PPIL2: variants seen among roughly 807,000 people sequenced by gnomAD.
PPIL2 encodes peptidylprolyl isomerase like 2, also known as RING-type E3 ubiquitin-protein ligase PPIL2.
A neutral mutation model predicts 75.2 loss-of-function variants in PPIL2; 50 were observed. The ratio of observed to expected loss-of-function variants is 0.66; its 90% CI spans 0.53 to 0.84. The LOEUF (loss-of-function observed/expected upper bound fraction) is 0.84. Among genes scored for constraint, PPIL2 ranks in the 40% least tolerant of loss-of-function variants. The probability of loss-of-function intolerance (pLI) is 0.00; values close to 1 mark genes in which losing one functional copy is unlikely to be tolerated. For synonymous variants in PPIL2, 245 were observed against 258.8 expected (o/e 0.95, Z 0.51); for missense variants, 590 against 685.0 (o/e 0.86, Z 1.55).
chr22:21,685,635 C>T (rs577079235), intron 10 of PPIL2: 1 of 451,408 alleles, frequency 2.2e-6, no homozygotes, highest in East Asian at 7.0e-5. Context: ...CTTTTGGAAA[C>T]AGGATCTTGC....
chr22:21,681,662 C>T (rs1669114), intron 7 of PPIL2, among the ~76,000 whole-genome samples: 38,800 of 152,180 alleles, frequency 0.25, 4,974 homozygotes, highest in Middle Eastern at 0.31. Context: ...GAGGTCCTTC[C>T]GCGTCTTCAG....
chr22:21,684,289 G>GAGACCATCC (rs576536643), intron 9 of PPIL2, among the ~76,000 whole-genome samples: 14 of 116,874 alleles, frequency 1.2e-4, no homozygotes, highest in South Asian at 3.0e-4. Flanking sequence ...TTACAAGATT[G>GAGACCATCC]TAACACAAAA....
chr22:21,672,435 TCTC>T (rs1368095498), intron 5 of PPIL2, 54 bp downstream of exon 5: 20 of 1,515,000 alleles, frequency 1.3e-5, no homozygotes, highest in African/African-American at 5.5e-5. Context: ...TCCTCTCACT[TCTC>T]CTTTTGTTCT....
At chr22:21,677,758 A>C (rs910835171) in intron 6 of PPIL2, among the ~76,000 whole-genome samples, 2 of 152,216 alleles carry the variant, frequency 1.3e-5, no homozygotes. Flanking sequence ...TGCAGAGAGC[A>C]CAACAGGCTG....
At chr22:21,688,036 CAG>C (rs1474144327) in intron 13 of PPIL2, 35 bp from the exon 14 acceptor site, 3 of 1,613,952 alleles carry the variant, frequency 1.9e-6, no homozygotes, top group African/African-American at 2.7e-5. Flanking sequence ...CCTCGGGTCT[CAG>C]AGTGTGACTT....
intron 5 of PPIL2, among the ~76,000 whole-genome samples, chr22:21,673,980 A>G (rs1354246050): frequency 6.6e-6 from 1 of 152,162 alleles, no homozygotes; most frequent in East Asian, 1.9e-4. Flanking sequence ...GAAGGAACGA[A>G]GGTGGTTAGA....
chr22:21,687,819 C>T (rs1601576569), intron 13 of PPIL2, 87 bp downstream of exon 13: 1 of 1,339,222 alleles, frequency 7.5e-7, no homozygotes, highest in East Asian at 2.3e-5. Context: ...ATCCCAGGGC[C>T]CTGGCCCATC....
intron 6 of PPIL2, among the ~76,000 whole-genome samples, chr22:21,676,544 A>T (rs1376131307): frequency 6.6e-6 from 1 of 151,402 alleles, no homozygotes; most frequent in Non-Finnish European, 1.5e-5. Flanking sequence ...GGTACTTGAG[A>T]TTAGGGAGTG....
chr22:21,685,645 C>G, intron 10 of PPIL2: 1 of 452,252 alleles, frequency 2.2e-6, no homozygotes, highest in Middle Eastern at 5.0e-4. Context: ...CAGGATCTTG[C>G]TATGTTGTCT....
Position 21,695,419 on chromosome 22 carries a change from T to C in PPIL2, c.1492T>C (p.Ser498Pro), listed in dbSNP as rs1242265854. 6.2e-7 allele frequency: 1 copy of C among 1,609,908 alleles called. No homozygotes were observed. The highest frequency in any genetic ancestry group is 8.5e-7 in the Non-Finnish European group (1 of 1,178,242). Residue 498 changes from serine (S) to proline (P), a missense_variant, in exon 20 of 20, where the codon TCA becomes CCA. Coordinates refer to ENST00000398831, the MANE Select transcript of PPIL2 (RefSeq NM_014337.4). Reference protein sequence around the residue: ...ATKRAAEEEPSTSATVPMSKK... With the variant: ...ATKRAAEEEPPTSATVPMSKK... ...GAAGCGAGCAGCAGAGGAAGAGCCC[T>C]CAACCAGTGCCACTGTCCCCATGTC... is the stretch of plus-strand genomic sequence containing the variant.
chr22:21,674,928 T>C, intron 5 of PPIL2, 136 bp from the exon 6 acceptor site: 1 of 759,778 alleles, frequency 1.3e-6, no homozygotes. Flanking sequence ...TTGCAGGGTC[T>C]TGGGGCCTTC....
rs749694110 is a variant in PPIL2, at chr22:21,666,049, G to A, written c.-51G>A. 1 of 1,603,914 alleles carries A rather than the reference G, an allele frequency of 6.2e-7. No individual in the cohort carries two copies. The highest frequency in any genetic ancestry group is 1.1e-5 in the South Asian group (1 of 90,134). On this transcript the variant is annotated 5_prime_UTR_variant, in exon 1 of 20. Transcript: ENST00000398831. The stretch of plus-strand genomic sequence containing the variant: ...ACTCGGCTGCGGCTCCATGGTCTGA[G>A]TTGTCAGCCGTTGTTTTTTCGTGCT...
intron 15 of PPIL2, among the ~76,000 whole-genome samples, chr22:21,689,381 T>C (rs2067524288): frequency 7.3e-6 from 1 of 136,716 alleles, no homozygotes; most frequent in African/African-American, 2.6e-5. Flanking sequence ...CCTGATGTTA[T>C]GTTTCAGTCT....
At chr22:21,682,849 G>A (rs934328107) in intron 8 of PPIL2, among the ~76,000 whole-genome samples, 2 of 152,150 alleles carry the variant, frequency 1.3e-5, no homozygotes, top group Non-Finnish European at 2.9e-5. Context: ...TCTGTGGCTT[G>A]TCCCATTCTA....
intron 16 of PPIL2, 61 bp downstream of exon 16, chr22:21,693,933 C>G (rs998395598): frequency 1.2e-5 from 18 of 1,487,686 alleles, no homozygotes; most frequent in Non-Finnish European, 1.6e-5. Context: ...TCCTTCCCCA[C>G]CTGAGGCCTC....
chr22:21,683,534 G>T (rs1361149833), intron 9 of PPIL2, among the ~76,000 whole-genome samples: 2 of 152,264 alleles, frequency 1.3e-5, no homozygotes, highest in African/African-American at 4.8e-5. Context: ...GGGTGATGGG[G>T]TCCTCCTGTT....
rs568098067 is a variant in PPIL2, at chr22:21,670,742, T to A, written c.128+131T>A. On this transcript the variant is annotated intron_variant, in intron 3 of 19. Coordinates refer to ENST00000398831, the MANE Select transcript of PPIL2 (RefSeq NM_014337.4). ...GAAGATGTGGCCCTTCAGTTCATGT[T>A]GGGAGAAGATGCAGAGTCCTCGTCA... 13 of 1,059,100 alleles carry A rather than the reference T, an allele frequency of 1.2e-5. No individual in the cohort carries two copies. In the East Asian group the frequency reaches 2.6e-4, roughly 21 times the overall value. 65.6% of individuals were successfully genotyped at this position (1,059,100 alleles called of 1,614,324 possible).
chr22:21,695,068 C>T lies in PPIL2; in HGVS notation c.1464C>T (p.Ala488=). Residue 488 remains alanine (A), a splice_region_variant and synonymous_variant, in exon 19 of 20, where the codon GCC becomes GCT. Coordinates refer to ENST00000398831, the MANE Select transcript of PPIL2 (RefSeq NM_014337.4). ...TGGGCAAGTACATCAACCCAGCAGC[C>T]ACGTGAGTGCCGCGGGGCTGGCCTC... is the stretch of plus-strand genomic sequence containing the variant. ...QGVGKYINPA[A]TKRAAEEEPS... The T allele has an allele frequency of 1.2e-6, 2 of 1,604,328 alleles. No individual in the cohort carries two copies. Among genetic ancestry groups the T allele is most frequent in the Admixed American group, 3.4e-5 (2 of 59,306 alleles).
intron 14 of PPIL2, 21 bp downstream of exon 14, chr22:21,688,127 C>T (rs745342842): frequency 6.2e-7 from 1 of 1,614,088 alleles, no homozygotes; most frequent in South Asian, 1.1e-5. Flanking sequence ...GTGCTGGGCC[C>T]CTCTCTGGGC....
Sources: gnomAD v4.1 joint callset for allele counts (sites outside exome capture counted in the v4.1 genomes callset) on GRCh38, gnomAD v4.1.1 for gene constraint, MANE v1.5 for transcripts, NCBI Gene and HGNC (gene_info 2026-07-23, HGNC 2026-07-21) for gene names.